Variants in FBXL2 observed in about 807,000 individuals in gnomAD.
FBXL2 encodes the protein F-box and leucine rich repeat protein 2.
In FBXL2, 38 loss-of-function variants were observed where a neutral mutation model predicts 69.2. The ratio of observed to expected loss-of-function variants is 0.55; its 90% CI spans 0.42 to 0.72. FBXL2 has a LOEUF of 0.72. Among genes scored for constraint, FBXL2 ranks in the 30% least tolerant of loss-of-function variants. The pLI is 0.00. For synonymous variants in FBXL2, 192 were observed against 201.3 expected (o/e 0.95, Z 0.39); for missense variants, 354 against 520.3 (o/e 0.68, Z 3.11).
chr3:33,383,896 G>A, intron 13 of FBXL2, 93 bp from the exon 14 acceptor site: 1 of 1,212,714 alleles, frequency 8.2e-7, no homozygotes, highest in Non-Finnish European at 1.2e-6. Flanking sequence ...TCCCATTGCA[G>A]AAGGGCAAAA....
At chr3:33,284,653 G>A (rs182711101) in intron 1 of FBXL2, among the ~76,000 whole-genome samples, 79 of 152,216 alleles carry the variant, frequency 5.2e-4, no homozygotes, top group African/African-American at 1.7e-3. Flanking sequence ...GGGTGTTAAA[G>A]TCTCCCATTA....
intron 12 of FBXL2, chr3:33,400,198 T>C: frequency 1.9e-6 from 3 of 1,587,778 alleles, no homozygotes; most frequent in Non-Finnish European, 2.6e-6. Flanking sequence ...CCTGAAAAAT[T>C]AGAGAACAGT....
chr3:33,310,272 C>T (rs1341023390), intron 2 of FBXL2, among the ~76,000 whole-genome samples: 1 of 152,044 alleles, frequency 6.6e-6, no homozygotes, highest in Non-Finnish European at 1.5e-5. Context: ...CTGCCTCAGC[C>T]TCCCGAGTAG....
At chr3:33,288,837 A>G (rs2034928173) in intron 1 of FBXL2, among the ~76,000 whole-genome samples, 1 of 152,202 alleles carries the variant, frequency 6.6e-6, no homozygotes, top group Admixed American at 6.5e-5. Context: ...AGTGGCATAT[A>G]TGACTTATAT....
At chr3:33,304,271 C>T (rs1345280684) in intron 2 of FBXL2, among the ~76,000 whole-genome samples, 1 of 152,082 alleles carries the variant, frequency 6.6e-6, no homozygotes, top group East Asian at 1.9e-4. Flanking sequence ...TGCCCCTCCT[C>T]ATTCCCCACC....
intron 2 of FBXL2, among the ~76,000 whole-genome samples, chr3:33,306,747 A>G (rs890750245): frequency 2.0e-5 from 3 of 151,958 alleles, no homozygotes; most frequent in African/African-American, 7.2e-5. Context: ...GATTGATTCT[A>G]CCCCTTTGGT....
At chr3:33,371,677 T>A (rs1427231683) in intron 5 of FBXL2, among the ~76,000 whole-genome samples, 1 of 152,244 alleles carries the variant, frequency 6.6e-6, no homozygotes, top group Non-Finnish European at 1.5e-5. Context: ...TTCCTCCTTC[T>A]ATGAAAACAT....
At chr3:33,392,547 C>T (rs562912943), downstream of FBXL2, 2 of 1,606,102 alleles carry the variant, frequency 1.2e-6, no homozygotes, top group South Asian at 2.2e-5. Flanking sequence ...TTAAGACACA[C>T]ACACATGCAA....
At chr3:33,390,441 T>C (rs2043714279), downstream of FBXL2, 1 of 1,516,030 alleles carries the variant, frequency 6.6e-7, no homozygotes, top group South Asian at 1.1e-5. Context: ...GAAAACTCCC[T>C]GCCAACTACA....
chr3:33,318,153 T>A (rs1266156239), intron 2 of FBXL2, among the ~76,000 whole-genome samples: 1 of 152,148 alleles, frequency 6.6e-6, no homozygotes, highest in Non-Finnish European at 1.5e-5. Context: ...CCATGGCTGT[T>A]TCTCACTGGT....
At chr3:33,282,130 G>T (rs1489554302) in intron 1 of FBXL2, among the ~76,000 whole-genome samples, 1 of 152,144 alleles carries the variant, frequency 6.6e-6, no homozygotes, top group Non-Finnish European at 1.5e-5. Context: ...CCATGCCTAT[G>T]TCTTGAGTGG....
At chr3:33,284,873 C>CT (rs1430907031) in intron 1 of FBXL2, among the ~76,000 whole-genome samples, 4 of 152,198 alleles carry the variant, frequency 2.6e-5, no homozygotes, top group South Asian at 2.1e-4. Context: ...GCAACCCCTG[C>CT]TTTTTTTGTT....
At position 33,298,407 on chromosome 3, in the gene FBXL2, C is replaced by T. The variant is rs544487991; in HGVS notation, c.65+682C>T. ...TATTTTAAGGCCAGGAGTGGTAGCTCATGTCTGTAATCCCAGCACTTTGGG... is the reference window on the plus strand; with the variant it reads ...TATTTTAAGGCCAGGAGTGGTAGCTTATGTCTGTAATCCCAGCACTTTGGG... On this transcript the variant is annotated intron_variant, in intron 2 of 14. Transcript: ENST00000484457. Among the ~76,000 whole-genome samples the T allele has an allele frequency of 6.6e-5, 10 of 152,204 alleles. No individual in the cohort carries two copies. The South Asian group carries it at 1.2e-3, about 19-fold the overall frequency.
At chr3:33,280,875 T>G (rs2033921221) in intron 1 of FBXL2, among the ~76,000 whole-genome samples, 2 of 152,014 alleles carry the variant, frequency 1.3e-5, no homozygotes, top group South Asian at 4.1e-4. Context: ...TGGAAATAAA[T>G]AATATTTTAT....
At chr3:33,319,925 G>A (rs1044041076) in intron 2 of FBXL2, among the ~76,000 whole-genome samples, 2 of 152,162 alleles carry the variant, frequency 1.3e-5, no homozygotes, top group Admixed American at 6.5e-5. Flanking sequence ...CACAGAAGAT[G>A]TGCAAGTCCT....
At chr3:33,370,613 TTC>T (rs150677344) in intron 5 of FBXL2, among the ~76,000 whole-genome samples, 7 of 151,248 alleles carry the variant, frequency 4.6e-5, no homozygotes, top group South Asian at 2.1e-4. Flanking sequence ...TATCACTGGT[TTC>T]TCTCTCTCTC....
intron 2 of FBXL2, among the ~76,000 whole-genome samples, chr3:33,300,182 T>C (rs748145521): frequency 1.3e-4 from 20 of 152,202 alleles, no homozygotes; most frequent in Non-Finnish European, 2.6e-4. Flanking sequence ...GACTCAAGGC[T>C]ACTAACTGAA....
At chr3:33,309,831 C>T (rs1394540212) in intron 2 of FBXL2, among the ~76,000 whole-genome samples, 1 of 152,116 alleles carries the variant, frequency 6.6e-6, no homozygotes, top group African/African-American at 2.4e-5. Flanking sequence ...AAACATCTTA[C>T]AGTTATAGCA....
intron 1 of FBXL2, chr3:33,278,499 G>C (rs1304545622): frequency 6.6e-6 from 1 of 152,292 alleles, no homozygotes; most frequent in African/African-American, 2.4e-5. Flanking sequence ...TGGAAGTGCT[G>C]ATGAGCTGAG....
Sources: allele counts gnomAD v4.1 joint callset (sites outside exome capture counted in the v4.1 genomes callset), GRCh38; gene constraint gnomAD v4.1.1; transcripts MANE v1.5; gene names NCBI Gene and HGNC (gene_info 2026-07-23, HGNC 2026-07-21).